CADM2: variants seen among roughly 807,000 people sequenced by gnomAD.
CADM2 encodes the protein cell adhesion molecule 2, also known as immunoglobulin superfamily member 4D.
Under a neutral mutation model 49.8 loss-of-function variants are expected in CADM2, and 12 were observed. The observed-to-expected ratio is 0.24, with a 90% CI of 0.15 to 0.39. The LOEUF is 0.39. CADM2 is among the 10% of genes least tolerant of loss of function. The probability of loss-of-function intolerance (pLI) is 1.00; values close to 1 mark genes in which losing one functional copy is unlikely to be tolerated. For synonymous variants in CADM2, 214 were observed against 175.4 expected, an observed-to-expected ratio of 1.22 and a Z score of -1.74; for missense variants, 378 against 492.3, an observed-to-expected ratio of 0.77 and a Z score of 2.20.
chr3:85,124,985 A>G (rs1184157523), intron 1 of CADM2, among the ~76,000 whole-genome samples: 1 of 152,202 alleles, frequency 6.6e-6, no homozygotes, highest in African/African-American at 2.4e-5. Flanking sequence ...GAGAATTTGC[A>G]ATTACATGTT....
rs184895247 is a variant in CADM2, at chr3:85,542,725, A to G, written c.62-183797A>G. Among the ~76,000 whole-genome samples the G allele has an allele frequency of 2.7e-3, 407 of 152,314 alleles. 1 individual carries two copies. In the Middle Eastern group the frequency reaches 0.037, roughly 14 times the overall value. On this transcript the variant is annotated intron_variant, in intron 1 of 9. Transcript: ENST00000383699. ...GAAAAACATTATCCCTATTGCTGAC[A>G]TGATTATATTATTTCTAATAAAGAA... is the stretch of plus-strand genomic sequence containing the variant.
chr3:86,055,481 G>GTTTTTTTTTTTTTTTTTTTTTT (rs1440467932), intron 8 of CADM2, among the ~76,000 whole-genome samples: 12 of 121,042 alleles, frequency 9.9e-5, no homozygotes, highest in Non-Finnish European at 1.1e-4. Context: ...TTTTTTTTTG[G>GTTTTTTTTTTTTTTTTTTTTTT]TTTTAGAGGG....
chr3:85,842,087 G>C (rs547300918), intron 3 of CADM2, among the ~76,000 whole-genome samples: 1 of 151,926 alleles, frequency 6.6e-6, no homozygotes, highest in African/African-American at 2.4e-5. Context: ...CCAATCCTGC[G>C]GCTGCTGCAG....
intron 1 of CADM2, among the ~76,000 whole-genome samples, chr3:85,141,453 G>A (rs897069546): frequency 3.9e-5 from 6 of 152,166 alleles, no homozygotes; most frequent in African/African-American, 7.2e-5. Flanking sequence ...AGGAGTAGTA[G>A]TGATAGTAGT....
At chr3:85,514,809 A>T (rs975947457) in intron 1 of CADM2, among the ~76,000 whole-genome samples, 4 of 152,070 alleles carry the variant, frequency 2.6e-5, no homozygotes, top group African/African-American at 9.7e-5. Context: ...TTTCTTCAGC[A>T]TTTTATCCTT....
intron 1 of CADM2, among the ~76,000 whole-genome samples, chr3:85,311,648 T>G (rs1438153000): frequency 6.6e-6 from 1 of 152,142 alleles, no homozygotes; most frequent in African/African-American, 2.4e-5. Flanking sequence ...AGTGCTGGGA[T>G]TACAGGCGTG....
intron 1 of CADM2, among the ~76,000 whole-genome samples, chr3:84,980,448 A>T (rs2107132998): frequency 6.6e-6 from 1 of 152,314 alleles, no homozygotes; most frequent in Non-Finnish European, 1.5e-5. Flanking sequence ...GCATGTTCTC[A>T]AGTAAACTAT....
At chr3:85,389,103 G>T (rs1042689256) in intron 1 of CADM2, among the ~76,000 whole-genome samples, 1 of 151,988 alleles carries the variant, frequency 6.6e-6, no homozygotes. Context: ...AACGTTTTGT[G>T]ATGCCTTCTC....
chr3:85,920,484 T>C (rs928554695), intron 6 of CADM2, among the ~76,000 whole-genome samples: 45 of 151,852 alleles, frequency 3.0e-4, no homozygotes, highest in African/African-American at 1.1e-3. Flanking sequence ...AGGTGATCTA[T>C]GCTGTTTAGT....
At position 85,321,112 on chromosome 3, in the gene CADM2, ATATATTTTTTTTTTTTTTTTTTTTTTTT is replaced by A. The variant is rs1559777979; in HGVS notation, c.61+361446_61+361473del. ...TATACATATATATATATATATATAT[ATATATTTTTTTTTTTTTTTTTTTTTTTT>A]TTTTTTTTTTTTTTTTTTTTTTTTT... On this transcript the variant is annotated intron_variant, in intron 1 of 9. Transcript: ENST00000383699. Among the ~76,000 whole-genome samples, 190 of 35,862 alleles carry A rather than the reference ATATATTTTTTTTTTTTTTTTTTTTTTTT, an allele frequency of 5.3e-3. 8 individuals are homozygous for A. Among genetic ancestry groups the A allele is most frequent in the African/African-American group, 0.015 (168 of 10,882 alleles). 23.5% of individuals were successfully genotyped at this position (35,862 alleles called of 152,430 possible).
intron 1 of CADM2, among the ~76,000 whole-genome samples, chr3:85,621,538 A>C (rs1290423798): frequency 6.6e-6 from 1 of 152,174 alleles, no homozygotes; most frequent in African/African-American, 2.4e-5. Flanking sequence ...CTTGAAATGT[A>C]ATTATGTCTT....
rs941945304 is a variant in CADM2, at chr3:85,099,088, C to T, written c.61+139420C>T. Reference sequence around the variant, plus strand: ...TGGTATAGAACAGAGAATGTATACACCATTTTTATCCTTCAGGGCTAGAAC... The same window carrying T: ...TGGTATAGAACAGAGAATGTATACATCATTTTTATCCTTCAGGGCTAGAAC... On this transcript the variant is annotated intron_variant, in intron 1 of 9. Coordinates refer to ENST00000383699, the MANE Select transcript of CADM2 (RefSeq NM_001167675.2). 2.5e-4 allele frequency among the ~76,000 whole-genome samples: 38 copies of T among 152,100 alleles called. 1 individual carries two copies. Among genetic ancestry groups the T allele is most frequent in the African/African-American group, 8.7e-4 (36 of 41,392 alleles).
intron 1 of CADM2, among the ~76,000 whole-genome samples, chr3:85,369,090 G>A (rs1422407590): frequency 6.6e-6 from 1 of 152,092 alleles, no homozygotes; most frequent in Non-Finnish European, 1.5e-5. Context: ...TTCTTGTTAA[G>A]ATTAAATACA....
intron 2 of CADM2, among the ~76,000 whole-genome samples, chr3:85,754,231 G>A (rs747984953): frequency 1.3e-3 from 195 of 152,154 alleles, no homozygotes; most frequent in Non-Finnish European, 1.8e-3. Context: ...TTACTGGAAA[G>A]CTGCTGATCA....
chr3:85,840,808 T>C (rs1443527608), intron 3 of CADM2, among the ~76,000 whole-genome samples: 1 of 151,874 alleles, frequency 6.6e-6, no homozygotes. Flanking sequence ...AAAATAATTA[T>C]ATAAATTTAT....
At position 85,865,397 on chromosome 3, in the gene CADM2, C is replaced by A. The variant is rs573196691; in HGVS notation, c.239-17894C>A. ...AATGTGTGTATGTTGCTTTTTCCTT[C>A]ATATTTTTATTATTATATGTTTGCA... On this transcript the variant is annotated intron_variant, in intron 3 of 9. Coordinates refer to ENST00000383699, the MANE Select transcript of CADM2 (RefSeq NM_001167675.2). Among the ~76,000 whole-genome samples, 26 of 151,372 alleles carry A rather than the reference C, an allele frequency of 1.7e-4. No homozygotes were observed. In the South Asian group the frequency reaches 5.4e-3, roughly 31 times the overall value.
At chr3:84,964,884 A>G (rs890110235) in intron 1 of CADM2, among the ~76,000 whole-genome samples, 4 of 152,190 alleles carry the variant, frequency 2.6e-5, no homozygotes, top group East Asian at 1.9e-4. Context: ...ATACTTTGTC[A>G]AGTCACATAA....
intron 1 of CADM2, among the ~76,000 whole-genome samples, chr3:85,419,282 C>G (rs1389625224): frequency 7.4e-6 from 1 of 135,676 alleles, no homozygotes; most frequent in Admixed American, 8.1e-5. Context: ...GTTGAAACCC[C>G]GTCTCTACTA....
intron 1 of CADM2, among the ~76,000 whole-genome samples, chr3:85,662,313 A>C (rs961978176): frequency 5.3e-5 from 8 of 151,450 alleles, no homozygotes; most frequent in Non-Finnish European, 1.2e-4. Flanking sequence ...ATACAATTTC[A>C]AGAGATTTCT....
Sources: allele counts gnomAD v4.1 joint callset (sites outside exome capture counted in the v4.1 genomes callset), GRCh38; gene constraint gnomAD v4.1.1; transcripts MANE v1.5; gene names NCBI Gene and HGNC (gene_info 2026-07-23, HGNC 2026-07-21).